Variants in AKAP19 observed in about 807,000 individuals in gnomAD.
AKAP19 encodes the protein small A-kinase anchoring protein.
At chr2:190,105,038 G>A in the AKAP19 span, among the ~76,000 whole-genome samples, 1 of 152,112 alleles carries the variant, frequency 6.6e-6, no homozygotes. Context: ...CACAGTTAGT[G>A]GAAGTCTAAA....
chr2:189,912,408 G>T, the AKAP19 span, among the ~76,000 whole-genome samples: 1 of 152,156 alleles, frequency 6.6e-6, no homozygotes, highest in South Asian at 2.1e-4. Context: ...GGGCATAGTG[G>T]CTCAGACCTA....
the AKAP19 span, among the ~76,000 whole-genome samples, chr2:190,031,976 A>G: frequency 6.6e-6 from 1 of 152,186 alleles, no homozygotes; most frequent in Non-Finnish European, 1.5e-5. Context: ...ATCATTATTG[A>G]GAAAGTTTTC....
At chr2:189,964,092 C>T in the AKAP19 span, among the ~76,000 whole-genome samples, 1 of 152,146 alleles carries the variant, frequency 6.6e-6, no homozygotes, top group Non-Finnish European at 1.5e-5. Context: ...ACTTGAAAGT[C>T]AGAATTCCTT....
the AKAP19 span, among the ~76,000 whole-genome samples, chr2:189,889,643 T>C: frequency 5.9e-5 from 9 of 152,344 alleles, no homozygotes; most frequent in East Asian, 1.7e-3. Context: ...AACTTCTTCC[T>C]GGTTTAGTCT....
At chr2:190,175,499 T>C in the AKAP19 span, among the ~76,000 whole-genome samples, 1 of 152,222 alleles carries the variant, frequency 6.6e-6, no homozygotes. Context: ...TATTTGGAAC[T>C]ATTCCCTAGT....
At chr2:190,145,883 AT>A in the AKAP19 span, among the ~76,000 whole-genome samples, 39,726 of 148,244 alleles carry the variant, frequency 0.27, 5,561 homozygotes, top group Admixed American at 0.36. Context: ...ATATATATAT[AT>A]ATAAAGAGAT....
At chr2:189,939,419 A>C in the AKAP19 span, among the ~76,000 whole-genome samples, 1 of 152,094 alleles carries the variant, frequency 6.6e-6, no homozygotes, top group African/African-American at 2.4e-5. Flanking sequence ...TAGCAGTGGA[A>C]AAAAAAAGTA....
At chr2:189,891,474 C>T in the AKAP19 span, among the ~76,000 whole-genome samples, 61 of 152,072 alleles carry the variant, frequency 4.0e-4, no homozygotes, top group Non-Finnish European at 7.4e-4. Context: ...CTGCCCACCT[C>T]GGCCTCCCAG....
the AKAP19 span, among the ~76,000 whole-genome samples, chr2:190,029,489 T>C: frequency 2.6e-5 from 4 of 152,168 alleles, no homozygotes; most frequent in East Asian, 7.7e-4. Flanking sequence ...TGTAGATCTA[T>C]ATTTATTGAT....
chr2:190,103,687 A>C, the AKAP19 span, among the ~76,000 whole-genome samples: 1 of 152,260 alleles, frequency 6.6e-6, no homozygotes, highest in Admixed American at 6.5e-5. Context: ...GAAATCATAG[A>C]TGACACAAAC....
At chr2:189,900,100 C>T in the AKAP19 span, among the ~76,000 whole-genome samples, 2 of 152,082 alleles carry the variant, frequency 1.3e-5, no homozygotes, top group Non-Finnish European at 1.5e-5. Context: ...CACTATCTTG[C>T]TTGCAGCATA....
At chr2:190,188,639 C>T in the AKAP19 span, among the ~76,000 whole-genome samples, 3 of 152,302 alleles carry the variant, frequency 2.0e-5, no homozygotes, top group East Asian at 1.9e-4. Flanking sequence ...TGAAATTATA[C>T]GAAGTTTGTT....
chr2:190,177,965 C>T, the AKAP19 span, among the ~76,000 whole-genome samples: 1 of 152,204 alleles, frequency 6.6e-6, no homozygotes, highest in Non-Finnish European at 1.5e-5. This position sits in a 1 kb window ranked among gnomAD's most constrained non-coding sequence, Gnocchi z 4.6. Context: ...ACACTTGCTA[C>T]GGCCCCTCAC....
chr2:189,896,236 A>C, the AKAP19 span, among the ~76,000 whole-genome samples: 1 of 152,172 alleles, frequency 6.6e-6, no homozygotes. Flanking sequence ...GATACTTGCC[A>C]GTAAAATGTG....
chr2:190,114,005 CT>C, the AKAP19 span, among the ~76,000 whole-genome samples: 1 of 152,074 alleles, frequency 6.6e-6, no homozygotes, highest in Non-Finnish European at 1.5e-5. Flanking sequence ...TTCTGTCATT[CT>C]GAAAGTTACT....
the AKAP19 span, among the ~76,000 whole-genome samples, chr2:190,007,186 G>T: frequency 2.6e-5 from 4 of 152,262 alleles, no homozygotes; most frequent in East Asian, 7.7e-4. Flanking sequence ...AACTGGGGTA[G>T]GATACCTTCA....
chr2:190,027,400 G>A, the AKAP19 span, among the ~76,000 whole-genome samples: 2 of 152,210 alleles, frequency 1.3e-5, no homozygotes, highest in Non-Finnish European at 2.9e-5. Flanking sequence ...GGAGGAGTAT[G>A]TGTAAATATG....
the AKAP19 span, among the ~76,000 whole-genome samples, chr2:190,172,241 C>T: frequency 1.3e-5 from 2 of 152,262 alleles, no homozygotes; most frequent in South Asian, 4.1e-4. Context: ...TTTTCATTGA[C>T]CTCCTGTTAT....
At chr2:189,977,972 T>G in the AKAP19 span, among the ~76,000 whole-genome samples, 3 of 152,242 alleles carry the variant, frequency 2.0e-5, no homozygotes, top group Non-Finnish European at 2.9e-5. Flanking sequence ...GTTCAACACT[T>G]TATTATAAAA....
Sources: gnomAD v4.1 joint callset for allele counts (sites outside exome capture counted in the v4.1 genomes callset) on GRCh38, gnomAD v4.1.1 for gene constraint, Gnocchi (gnomAD v3.1) non-coding constraint, MANE v1.5 for transcripts, NCBI Gene and HGNC (gene_info 2026-07-23, HGNC 2026-07-21) for gene names.